Variants in NFAT5 observed in about 807,000 individuals in gnomAD.
NFAT5 encodes nuclear factor of activated T-cells 5.
In NFAT5, 31 loss-of-function variants were observed where a neutral mutation model predicts 166.5. The observed-to-expected ratio is 0.19, with a 90% CI of 0.14 to 0.25. The LOEUF is 0.25. NFAT5 is among the 10% of genes least tolerant of loss of function. The pLI is 1.00. For missense variants in NFAT5, 1,449 were observed against 1,821.8 expected, an observed-to-expected ratio of 0.80 and a Z score of 3.72; for synonymous variants, 612 against 639.7, an observed-to-expected ratio of 0.96 and a Z score of 0.65.
chr16:69,683,332 G>A (rs2037149608), intron 10 of NFAT5, among the ~76,000 whole-genome samples: 1 of 152,144 alleles, frequency 6.6e-6, no homozygotes, highest in South Asian at 2.1e-4. Context: ...AGCAGTTTGA[G>A]ACCAACCTGG....
chr16:69,579,248 A>G (rs1442963451), intron 2 of NFAT5, among the ~76,000 whole-genome samples: 2 of 152,142 alleles, frequency 1.3e-5, no homozygotes, highest in Non-Finnish European at 2.9e-5. Context: ...TTATTAAATT[A>G]TATTCTCTGG....
At chr16:69,652,072 A>G (rs1453204820) in intron 4 of NFAT5, among the ~76,000 whole-genome samples, 1 of 152,226 alleles carries the variant, frequency 6.6e-6, no homozygotes, top group Non-Finnish European at 1.5e-5. Context: ...GCCTGAAGTC[A>G]TAACCACCAT....
At chr16:69,672,640 G>A (rs934594850) in intron 9 of NFAT5, among the ~76,000 whole-genome samples, 1 of 152,066 alleles carries the variant, frequency 6.6e-6, no homozygotes, top group African/African-American at 2.4e-5. Flanking sequence ...GTGACTGTGT[G>A]GTCTAAGTAA....
intron 2 of NFAT5, 110 bp from the exon 3 acceptor site, chr16:69,626,293 A>C (rs924758315): frequency 3.0e-6 from 3 of 984,554 alleles, no homozygotes; most frequent in African/African-American, 3.4e-5. Flanking sequence ...TTGTTTGTGA[A>C]TAATACAGTT....
chr16:69,566,284 G>A lies in NFAT5; in HGVS notation c.-18G>A. On this transcript the variant is annotated 5_prime_UTR_variant, in exon 1 of 15. Coordinates refer to ENST00000349945, the MANE Select transcript of NFAT5 (RefSeq NM_138713.4). The surrounding 1 kb of genome is among the most constrained non-coding windows in gnomAD (Gnocchi z 5.7). ...CCCCCCCTCCCGCTGCCCTCGGGCC[G>A]GGCTGGGTCGAGCTGCGATGCCCTC... The A allele has an allele frequency of 6.3e-7, 1 of 1,597,384 alleles. No individual in the cohort carries two copies. The highest frequency in any genetic ancestry group is 2.3e-5 in the East Asian group (1 of 44,090).
chr16:69,677,998 CA>C (rs993430694), intron 10 of NFAT5, among the ~76,000 whole-genome samples: 7 of 146,274 alleles, frequency 4.8e-5, no homozygotes, highest in African/African-American at 7.5e-5. Flanking sequence ...ACTAAAAATA[CA>C]AAAAAAAAAT....
At position 69,693,816 on chromosome 16, in the gene NFAT5, A is replaced by G; in HGVS notation, c.3991A>G (p.Ser1331Gly). The change falls in exon 13 of 15, where the codon AGT becomes GGT. Residue 1331 changes from serine (S) to glycine (G), a missense_variant. Transcript: ENST00000349945. ...GAACCAGTCAATTTTTCACCAACAAAGTAACATGGCCCCAATGAATCAAGA... is the reference window on the plus strand; with the variant it reads ...GAACCAGTCAATTTTTCACCAACAAGGTAACATGGCCCCAATGAATCAAGA... The part of the protein sequence containing the change: ...QQNQSIFHQQ[S>G]NMAPMNQEQQ... 6.2e-7 allele frequency: 1 copy of G among 1,614,204 alleles called. No individual in the cohort carries two copies. The highest frequency in any genetic ancestry group is 2.2e-5 in the East Asian group (1 of 44,890).
chr16:69,578,097 A>G (rs1040941818), intron 2 of NFAT5, among the ~76,000 whole-genome samples: 5 of 152,090 alleles, frequency 3.3e-5, no homozygotes, highest in Non-Finnish European at 7.4e-5. Context: ...TAGCACTTAC[A>G]TTGTATTAGG....
At position 69,700,312 on chromosome 16, in the gene NFAT5, G is replaced by T. The variant is rs1200185981; in HGVS notation, c.*3961G>T. ...GCATTTCTTGCTCATCAGAACCTCA[G>T]CTAATCTACCTAGGAAAAATAGTAT... is the stretch of plus-strand genomic sequence containing the variant. On this transcript the variant is annotated 3_prime_UTR_variant, in exon 15 of 15. Coordinates refer to ENST00000349945, the MANE Select transcript of NFAT5 (RefSeq NM_138713.4). 2 of 152,106 alleles carry T rather than the reference G, an allele frequency of 1.3e-5. No individual in the cohort carries two copies. The highest frequency in any genetic ancestry group is 1.3e-4 in the Admixed American group (2 of 15,256). 9.4% of individuals were successfully genotyped at this position (152,106 alleles called of 1,614,324 possible). A position where few individuals can be genotyped will look rare whatever the true frequency, so the allele number is the denominator to read the frequency against.
At chr16:69,637,615 T>A (rs1352145378) in intron 3 of NFAT5, among the ~76,000 whole-genome samples, 1 of 152,168 alleles carries the variant, frequency 6.6e-6, no homozygotes, top group Non-Finnish European at 1.5e-5. Flanking sequence ...TCATCAGATC[T>A]TGTGAGACTT....
At chr16:69,639,509 G>T (rs2035112268) in intron 3 of NFAT5, among the ~76,000 whole-genome samples, 2 of 152,104 alleles carry the variant, frequency 1.3e-5, no homozygotes, top group Admixed American at 6.6e-5. Flanking sequence ...AGAAAAAGAT[G>T]TCTGCAATAA....
rs1342638583 is a variant in NFAT5 at position 69,688,391 on chromosome 16, T to TA, written c.1775-2549_1775-2548insA. 4.6e-5 allele frequency among the ~76,000 whole-genome samples: 7 copies of TA among 151,830 alleles called. No homozygotes were observed. The East Asian group carries it at 1.2e-3, about 25-fold the overall frequency. On this transcript the variant is annotated intron_variant, in intron 11 of 14. Transcript: ENST00000349945. ...TTATTTTTATTTATTATTATTATTA[T>TA]TTGAGATGGAGTCTTGCTTTGTTGC...
chr16:69,601,359 T>A (rs1365240968), intron 2 of NFAT5, among the ~76,000 whole-genome samples: 4 of 152,168 alleles, frequency 2.6e-5, no homozygotes, highest in Non-Finnish European at 5.9e-5. Context: ...TGCAAAGTAT[T>A]ACGTGGTAAT....
intron 2 of NFAT5, among the ~76,000 whole-genome samples, chr16:69,615,816 C>T (rs1202040931): frequency 6.6e-6 from 1 of 152,106 alleles, no homozygotes; most frequent in Non-Finnish European, 1.5e-5. Flanking sequence ...ATTGCTACTG[C>T]CTCCTGCTTT....
rs2037927083 is a variant in NFAT5 at position 69,703,193 on chromosome 16, T to C, written c.*6842T>C. The C allele has an allele frequency of 6.6e-6, 1 of 152,640 alleles. No homozygotes were observed. The highest frequency in any genetic ancestry group is 1.5e-5 in the Non-Finnish European group (1 of 68,020). The allele number at this position is 152,640 out of a possible 1,614,324, so 9.5% of individuals were successfully genotyped here. The stretch of plus-strand genomic sequence containing the variant: ...ACAAAATCATCATTCCTTGTATTTA[T>C]ATTTGTATCTGAGATAGTAAACAAG... On this transcript the variant is annotated 3_prime_UTR_variant, in exon 15 of 15. Transcript: ENST00000349945.
In NFAT5 at chr16:69,698,852, T is replaced by C. The variant is rs558161296; in HGVS notation, c.*2501T>C. On this transcript the variant is annotated 3_prime_UTR_variant, in exon 15 of 15. Transcript: ENST00000349945. ...CATGTTTGTAATTTTAATAACATTT[T>C]TCCCATCTTGTAATATCCAGAGCTA... 1 of 152,774 alleles carries C rather than the reference T, an allele frequency of 6.5e-6. No homozygotes were observed. The highest frequency in any genetic ancestry group is 1.5e-5 in the Non-Finnish European group (1 of 68,040). The allele number at this position is 152,774 out of a possible 1,614,324, so 9.5% of individuals were successfully genotyped here.
chr16:69,630,933 T>C (rs1056999190), intron 3 of NFAT5, among the ~76,000 whole-genome samples: 2 of 152,196 alleles, frequency 1.3e-5, no homozygotes, highest in African/African-American at 2.4e-5. Flanking sequence ...TTAAATTTAC[T>C]TAATTTATTT....
intron 3 of NFAT5, among the ~76,000 whole-genome samples, chr16:69,642,988 T>G (rs2035280170): frequency 1.3e-5 from 2 of 151,764 alleles, no homozygotes; most frequent in South Asian, 4.2e-4. Context: ...GAGGCCGAGG[T>G]GGGTGGATCA....
chr16:69,596,717 T>TAA (rs1177895504), intron 2 of NFAT5, among the ~76,000 whole-genome samples: 39 of 125,146 alleles, frequency 3.1e-4, no homozygotes, highest in African/African-American at 9.8e-4. Flanking sequence ...GACTCTATCT[T>TAA]AAAAAAAAAA....
Sources: allele counts gnomAD v4.1 joint callset (sites outside exome capture counted in the v4.1 genomes callset), GRCh38; gene constraint gnomAD v4.1.1; non-coding constraint Gnocchi (gnomAD v3.1); transcripts MANE v1.5; gene names NCBI Gene and HGNC (gene_info 2026-07-23, HGNC 2026-07-21).